The following ANKRA2 variants were observed in gnomAD, a reference collection of about 807,000 sequenced individuals.
ANKRA2 encodes the protein ankyrin repeat family A member 2.
Under a neutral mutation model 37.8 loss-of-function variants are expected in ANKRA2, and 33 were observed. The observed-to-expected ratio is 0.87, with a 90% CI of 0.66 to 1.17. The LOEUF is 1.17. Among genes scored for constraint, ANKRA2 ranks in the 50% most tolerant of loss-of-function variants. ANKRA2 has a pLI of 0.00. For missense variants in ANKRA2, 326 were observed against 373.7 expected, an observed-to-expected ratio of 0.87 and a Z score of 1.05; for synonymous variants, 126 against 132.3, an observed-to-expected ratio of 0.95 and a Z score of 0.33.
chr5:73,554,879 A>T lies in ANKRA2; in HGVS notation c.720T>A (p.Asp240Glu), dbSNP rs1406615797. The change falls in exon 6 of 9, where the codon GAT becomes GAA. Residue 240 changes from aspartate (D) to glutamate (E), a missense_variant. Transcript: ENST00000296785. ...IVKMLLDCGV[D>E]VNEYDWNGGT... The stretch of plus-strand genomic sequence containing the variant: ...AACTTACCCAATCATATTCATTTAC[A>T]TCAACTCCACAATCAAGCAGCATTT... 1 of 1,613,788 alleles carries T rather than the reference A, an allele frequency of 6.2e-7. No individual in the cohort carries two copies. Among genetic ancestry groups the T allele is most frequent in the Non-Finnish European group, 8.5e-7 (1 of 1,179,832 alleles).
Position 73,555,395 on chromosome 5 carries a change from C to T in ANKRA2, c.612+93G>A, listed in dbSNP as rs921499612. ...ATTAAACTTTTTTTGGTAGCCTCTACCATTATATCTAGCTGGCTGGATATA... is the reference window on the plus strand; with the variant it reads ...ATTAAACTTTTTTTGGTAGCCTCTATCATTATATCTAGCTGGCTGGATATA... On this transcript the variant is annotated intron_variant, in intron 5 of 8. Coordinates refer to ENST00000296785, the MANE Select transcript of ANKRA2 (RefSeq NM_023039.5). 16 of 1,536,014 alleles carry T rather than the reference C, an allele frequency of 1.0e-5. 1 individual carries two copies. The South Asian group carries it at 1.9e-4, about 19-fold the overall frequency.
chr5:73,555,098 T>C lies in ANKRA2; in HGVS notation c.613-112A>G. 6.1e-6 allele frequency: 9 copies of C among 1,481,036 alleles called. No homozygotes were observed. The South Asian group carries it at 1.1e-4, about 19-fold the overall frequency. 91.7% of individuals were successfully genotyped at this position (1,481,036 alleles called of 1,614,324 possible). On this transcript the variant is annotated intron_variant, in intron 5 of 8. Coordinates refer to ENST00000296785, the MANE Select transcript of ANKRA2 (RefSeq NM_023039.5). The stretch of plus-strand genomic sequence containing the variant: ...ACTAGGCCTGGTAATGTTCTGGGCT[T>C]AATAAAGAAATAATGGAAACTTTTA...
chr5:73,564,106 G>A (rs1023671737), intron 1 of ANKRA2, among the ~76,000 whole-genome samples: 3 of 82,634 alleles, frequency 3.6e-5, no homozygotes, highest in African/African-American at 1.1e-4. Flanking sequence ...ACATAGTATA[G>A]TAAGGAAAAA....
At chr5:73,564,926 GA>G (rs1209854875) in intron 1 of ANKRA2, among the ~76,000 whole-genome samples, 1 of 124,848 alleles carries the variant, frequency 8.0e-6, no homozygotes, top group Non-Finnish European at 1.8e-5. Context: ...AGGTGGTGGT[GA>G]GAAAAAGGGG....
In ANKRA2 at chr5:73,555,493, G is replaced by A. The variant is rs779549975; in HGVS notation, c.607C>T (p.Gln203Ter). ...TTCTGAGGCATTTTCCTTACATTCTGAAGTAGGAACTCTACCACAGCTATT... is the reference window on the plus strand; with the variant it reads ...TTCTGAGGCATTTTCCTTACATTCTAAAGTAGGAACTCTACCACAGCTATT... ...GQIAVVEFLL[Q>*]NGADPQLLGK... The change falls in exon 5 of 9, where the codon CAG (glutamine) becomes TAG (stop). Residue 203 changes from glutamine (Q) to a stop codon, truncating the protein, a stop_gained. Transcript: ENST00000296785. LOFTEE classifies it high-confidence loss of function. 6.2e-7 allele frequency: 1 copy of A among 1,613,006 alleles called. No individual in the cohort carries two copies. The highest frequency in any genetic ancestry group is 1.1e-5 in the South Asian group (1 of 91,050).
chr5:73,555,073 A>G, intron 5 of ANKRA2, 87 bp from the exon 6 acceptor site: 3 of 1,531,988 alleles, frequency 2.0e-6, no homozygotes, highest in Admixed American at 2.2e-5. Context: ...ATAGTTCAAC[A>G]CTAGGCCTGG....
Position 73,562,889 on chromosome 5 carries a change from A to G in ANKRA2, c.-8T>C. Reference sequence around the variant, plus strand: ...ATTTGTTGATGTATCCATGATTTCAACTGTAGTTTCAATAACTAAAACATT... The same window carrying G: ...ATTTGTTGATGTATCCATGATTTCAGCTGTAGTTTCAATAACTAAAACATT... On this transcript the variant is annotated 5_prime_UTR_variant, in exon 2 of 9. Transcript: ENST00000296785. 2 of 1,585,408 alleles carry G rather than the reference A, an allele frequency of 1.3e-6. No individual in the cohort carries two copies. Among genetic ancestry groups the G allele is most frequent in the Non-Finnish European group, 1.7e-6 (2 of 1,163,334 alleles).
chr5:73,558,312 T>C (rs908911407), intron 3 of ANKRA2, among the ~76,000 whole-genome samples: 1 of 152,050 alleles, frequency 6.6e-6, no homozygotes, highest in Non-Finnish European at 1.5e-5. Flanking sequence ...GTATTATCAA[T>C]GAAATCTATT....
intron 1 of ANKRA2, among the ~76,000 whole-genome samples, chr5:73,563,554 G>C (rs1747613623): frequency 6.6e-6 from 1 of 152,142 alleles, no homozygotes; most frequent in East Asian, 1.9e-4. Flanking sequence ...GCTTTACAAA[G>C]CTTTGGTTTT....
intron 1 of ANKRA2, among the ~76,000 whole-genome samples, chr5:73,564,109 A>C (rs1747638847): frequency 5.0e-5 from 4 of 79,260 alleles, no homozygotes; most frequent in Non-Finnish European, 1.1e-4. Flanking sequence ...TAGTATAGTA[A>C]GGAAAAAAAA....
intron 5 of ANKRA2, 119 bp from the exon 6 acceptor site, chr5:73,555,105 GA>G: frequency 6.8e-7 from 1 of 1,462,064 alleles, no homozygotes; most frequent in Non-Finnish European, 9.0e-7. Flanking sequence ...GCTTAATAAA[GA>G]AATAATGGAA....
In ANKRA2 at chr5:73,562,938, T is replaced by C; in HGVS notation, c.-57A>G. The stretch of plus-strand genomic sequence containing the variant: ...TTTCTTCATGATTTCCTCTTGGTTT[T>C]GTAAGAGCAGTATCCAGTGTGTTCT... On this transcript the variant is annotated 5_prime_UTR_variant, in exon 2 of 9. Coordinates refer to ENST00000296785, the MANE Select transcript of ANKRA2 (RefSeq NM_023039.5). The C allele has an allele frequency of 6.7e-7, 1 of 1,483,658 alleles. No individual in the cohort carries two copies. Among genetic ancestry groups the C allele is most frequent in the Non-Finnish European group, 9.1e-7 (1 of 1,098,630 alleles). The allele number at this position is 1,483,658 out of a possible 1,614,324, so 91.9% of individuals were successfully genotyped here. A position where few individuals can be genotyped will look rare whatever the true frequency, so the allele number is the denominator to read the frequency against.
At position 73,555,483 on chromosome 5, in the gene ANKRA2, C is replaced by A; in HGVS notation, c.612+5G>T. 6.2e-7 allele frequency: 1 copy of A among 1,612,806 alleles called. No individual in the cohort carries two copies. The highest frequency in any genetic ancestry group is 8.5e-7 in the Non-Finnish European group (1 of 1,179,004). The stretch of plus-strand genomic sequence containing the variant: ...CATATACATTTTCTGAGGCATTTTC[C>A]TTACATTCTGAAGTAGGAACTCTAC... On this transcript the variant is annotated splice_donor_5th_base_variant and intron_variant, in intron 5 of 8. Transcript: ENST00000296785.
In ANKRA2 at chr5:73,564,104, T is replaced by C. The variant is rs1431188265; in HGVS notation, c.-105+1028A>G. Among the ~76,000 whole-genome samples, 4 of 88,272 alleles carry C rather than the reference T, an allele frequency of 4.5e-5. No homozygotes were observed. In the Admixed American group the frequency reaches 5.4e-4, roughly 12 times the overall value. The allele number at this position is 88,272 out of a possible 152,430, so 57.9% of individuals were successfully genotyped here. A position where few individuals can be genotyped will look rare whatever the true frequency, so the allele number is the denominator to read the frequency against. On this transcript the variant is annotated intron_variant, in intron 1 of 8. Coordinates refer to ENST00000296785, the MANE Select transcript of ANKRA2 (RefSeq NM_023039.5). ...AGAGTTGAATAAATAACACATAGTA[T>C]AGTAAGGAAAAAAAAAAAAAGCAGG...
chr5:73,562,068 G>C (rs942030654), intron 2 of ANKRA2, among the ~76,000 whole-genome samples: 1 of 152,088 alleles, frequency 6.6e-6, no homozygotes, highest in African/African-American at 2.4e-5. Context: ...CCAGGCTGGA[G>C]TACAGTGGCA....
At chr5:73,564,063 C>A (rs1339460160) in intron 1 of ANKRA2, among the ~76,000 whole-genome samples, 3 of 150,076 alleles carry the variant, frequency 2.0e-5, no homozygotes, top group South Asian at 2.1e-4. Context: ...CTAAACAAAG[C>A]CAAAATCTCC....
At chr5:73,561,496 G>T in intron 2 of ANKRA2, 2 of 494,866 alleles carry the variant, frequency 4.0e-6, no homozygotes, top group East Asian at 4.2e-5. Flanking sequence ...GCTGGGCATG[G>T]TGCTCACGCC....
chr5:73,559,704 A>T (rs1747494773), intron 3 of ANKRA2, among the ~76,000 whole-genome samples: 1 of 152,190 alleles, frequency 6.6e-6, no homozygotes, highest in South Asian at 2.1e-4. Context: ...TTTCATAATT[A>T]ATATTTTAAT....
chr5:73,555,157 C>G, intron 5 of ANKRA2, 171 bp from the exon 6 acceptor site: 1 of 1,422,450 alleles, frequency 7.0e-7, no homozygotes, highest in Non-Finnish European at 9.1e-7. Flanking sequence ...TGCCTGGATG[C>G]CTTCCTTCCT....
Sources: allele counts gnomAD v4.1 joint callset (sites outside exome capture counted in the v4.1 genomes callset), GRCh38; gene constraint gnomAD v4.1.1; transcripts MANE v1.5; gene names NCBI Gene and HGNC (gene_info 2026-07-23, HGNC 2026-07-21).